FBXO30: variants seen among roughly 807,000 people sequenced by gnomAD.
FBXO30 encodes the protein F-box only protein 30.
In FBXO30, 21 loss-of-function variants were observed where a neutral mutation model predicts 58.1. The ratio of observed to expected loss-of-function variants is 0.36; its 90% CI spans 0.26 to 0.52. The LOEUF (loss-of-function observed/expected upper bound fraction) is 0.52. Among genes scored for constraint, FBXO30 ranks in the 20% least tolerant of loss-of-function variants. The pLI is 0.93. For synonymous variants in FBXO30, 309 were observed against 312.4 expected, an observed-to-expected ratio of 0.99 and a Z score of 0.11; for missense variants, 744 against 897.3, an observed-to-expected ratio of 0.83 and a Z score of 2.18.
rs1005757793 is a variant in FBXO30 at position 145,797,449 on chromosome 6, C to T, written c.*2657G>A. 2.6e-5 allele frequency: 4 copies of T among 152,056 alleles called. No individual in the cohort carries two copies. Among genetic ancestry groups the T allele is most frequent in the Admixed American group, 6.6e-5 (1 of 15,242 alleles). The allele number at this position is 152,056 out of a possible 1,614,324, so 9.4% of individuals were successfully genotyped here. A position where few individuals can be genotyped will look rare whatever the true frequency, so the allele number is the denominator to read the frequency against. On this transcript the variant is annotated 3_prime_UTR_variant, in exon 3 of 3. Coordinates refer to ENST00000237281, the MANE Select transcript of FBXO30 (RefSeq NM_032145.5). ...GGTAGCTGGCATGACCCAGTCTTCC[C>T]TCTAAGTTCTAATACTTTACTGTGC...
rs1050667608 is a variant in FBXO30 at position 145,794,623 on chromosome 6, T to G, written c.*5483A>C. ...AAGTCATCAATTGATATAAAAGACATCCAGTTGACATAATCATTCATTGGG... is the reference window on the plus strand; with the variant it reads ...AAGTCATCAATTGATATAAAAGACAGCCAGTTGACATAATCATTCATTGGG... On this transcript the variant is annotated 3_prime_UTR_variant, in exon 3 of 3. Coordinates refer to ENST00000237281, the MANE Select transcript of FBXO30 (RefSeq NM_032145.5). 6.6e-6 allele frequency: 1 copy of G among 151,806 alleles called. No individual in the cohort carries two copies. The highest frequency in any genetic ancestry group is 1.5e-5 in the Non-Finnish European group (1 of 67,798). 9.4% of individuals were successfully genotyped at this position (151,806 alleles called of 1,614,324 possible).
chr6:145,806,583 A>G lies in FBXO30; in HGVS notation c.-16-162T>C, dbSNP rs9497414. Among the ~76,000 whole-genome samples the G allele has an allele frequency of 5.3e-3, 802 of 152,372 alleles. 4 individuals carry two copies. The highest frequency in any genetic ancestry group is 0.018 in the African/African-American group (766 of 41,600). ...AACCAGTTAATTTTACATATAATCAATGTCTTGAAAGGATGTAAGCACTTA... is the reference window on the plus strand; with the variant it reads ...AACCAGTTAATTTTACATATAATCAGTGTCTTGAAAGGATGTAAGCACTTA... On this transcript the variant is annotated intron_variant, in intron 1 of 2. Coordinates refer to ENST00000237281, the MANE Select transcript of FBXO30 (RefSeq NM_032145.5).
chr6:145,809,308 T>C lies in FBXO30; in HGVS notation c.-16-2887A>G, dbSNP rs561859740. 9.5e-4 allele frequency among the ~76,000 whole-genome samples: 145 copies of C among 152,304 alleles called. 2 individuals are homozygous for C. Among genetic ancestry groups the C allele is most frequent in the South Asian group, 2.5e-3 (12 of 4,828 alleles). ...TGAAAACAGCTGTAGCTTTCTTATT[T>C]TGCAGGAACTAGACTGAGTTGATCT... On this transcript the variant is annotated intron_variant, in intron 1 of 2. Transcript: ENST00000237281.
chr6:145,802,872 T>C (rs1778046617), intron 2 of FBXO30, among the ~76,000 whole-genome samples: 2 of 151,696 alleles, frequency 1.3e-5, no homozygotes, highest in Non-Finnish European at 2.9e-5. Flanking sequence ...TGAATAAAAA[T>C]AAAGGGGGGA....
In FBXO30 at chr6:145,798,767, C is replaced by T. The variant is rs532317892; in HGVS notation, c.*1339G>A. 3 of 152,118 alleles carry T rather than the reference C, an allele frequency of 2.0e-5. No individual in the cohort carries two copies. Among genetic ancestry groups the T allele is most frequent in the South Asian group, 2.1e-4 (1 of 4,822 alleles). 9.4% of individuals were successfully genotyped at this position (152,118 alleles called of 1,614,324 possible). ...ATAAGGGAATCAAGAACCTAGTAAT[C>T]GTGGAGTACTCTCAGGGACAAATGT... On this transcript the variant is annotated 3_prime_UTR_variant, in exon 3 of 3. Coordinates refer to ENST00000237281, the MANE Select transcript of FBXO30 (RefSeq NM_032145.5).
rs964307129 is a variant in FBXO30, at chr6:145,805,033, G to A, written c.1373C>T (p.Thr458Ile). ...MADIYHIDVG[T>I]QTFSLPSAIL... Reference sequence around the variant, plus strand: ...TGCAGATGGAAGTGAAAAAGTCTGAGTCCCAACGTCAATGTGATAAATATC... The same window carrying A: ...TGCAGATGGAAGTGAAAAAGTCTGAATCCCAACGTCAATGTGATAAATATC... The change falls in exon 2 of 3, where the codon ACT (threonine) becomes ATT (isoleucine). Residue 458 changes from threonine (T) to isoleucine (I), a missense_variant. Thr to Ile is a moderately conservative substitution (Grantham distance 89, BLOSUM62 -1). Around this residue, in one of 3 missense-constraint regions of FBXO30, gnomAD observed 334 missense variants for 433.7 expected, o/e 0.77. Coordinates refer to ENST00000237281, the MANE Select transcript of FBXO30 (RefSeq NM_032145.5). 7 of 1,613,838 alleles carry A rather than the reference G, an allele frequency of 4.3e-6. No homozygotes were observed. Among genetic ancestry groups the A allele is most frequent in the Non-Finnish European group, 5.9e-6 (7 of 1,179,954 alleles).
chr6:145,807,345 T>G (rs141459943), intron 1 of FBXO30, among the ~76,000 whole-genome samples: 1,666 of 152,230 alleles, frequency 0.011, 13 homozygotes, highest in Admixed American at 0.017. Flanking sequence ...GAAAGAGAAG[T>G]CTTAAGTATG....
chr6:145,799,208 T>C lies in FBXO30; in HGVS notation c.*898A>G, dbSNP rs188192477. 26 of 152,558 alleles carry C rather than the reference T, an allele frequency of 1.7e-4. No individual in the cohort carries two copies. Among genetic ancestry groups the C allele is most frequent in the African/African-American group, 2.4e-4 (10 of 41,560 alleles). 9.5% of individuals were successfully genotyped at this position (152,558 alleles called of 1,614,324 possible). Reference sequence around the variant, plus strand: ...ATGTCTTAAAACAACATAGTTGTAATGTTTATAAACATCAAAGGCAAACAT... The same window carrying C: ...ATGTCTTAAAACAACATAGTTGTAACGTTTATAAACATCAAAGGCAAACAT... On this transcript the variant is annotated 3_prime_UTR_variant, in exon 3 of 3. Transcript: ENST00000237281.
chr6:145,795,569 T>TA lies in FBXO30; in HGVS notation c.*4536dup, dbSNP rs1370514639. 1 of 151,924 alleles carries TA rather than the reference T, an allele frequency of 6.6e-6. No individual in the cohort carries two copies. Among genetic ancestry groups the TA allele is most frequent in the Non-Finnish European group, 1.5e-5 (1 of 67,854 alleles). 9.4% of individuals were successfully genotyped at this position (151,924 alleles called of 1,614,324 possible). A position where few individuals can be genotyped will look rare whatever the true frequency, so the allele number is the denominator to read the frequency against. On this transcript the variant is annotated 3_prime_UTR_variant, in exon 3 of 3. Coordinates refer to ENST00000237281, the MANE Select transcript of FBXO30 (RefSeq NM_032145.5). ...TATCAAAAAGATTGAAAATTATTTT[T>TA]AAAAAAGGACTTTGCATCAATGAAT...
intron 1 of FBXO30, among the ~76,000 whole-genome samples, chr6:145,807,206 C>T (rs1778199206): frequency 6.6e-6 from 1 of 152,096 alleles, no homozygotes; most frequent in South Asian, 2.1e-4. Context: ...AAAGCTACAG[C>T]AGGATGTCAA....
Position 145,800,683 on chromosome 6 carries a change from T to C in FBXO30, c.2035-374A>G, listed in dbSNP as rs1015159636. Among the ~76,000 whole-genome samples, 8 of 152,122 alleles carry C rather than the reference T, an allele frequency of 5.3e-5. No individual in the cohort carries two copies. In the East Asian group the frequency reaches 1.5e-3, roughly 29 times the overall value. On this transcript the variant is annotated intron_variant, in intron 2 of 2. Transcript: ENST00000237281. ...CTTTCATACTCTCCAATTGGCTATC[T>C]AGAACTAATTACACTCTGGAGATAC...
intron 1 of FBXO30, among the ~76,000 whole-genome samples, chr6:145,814,225 A>C (rs1343535906): frequency 2.0e-5 from 3 of 152,174 alleles, no homozygotes; most frequent in Non-Finnish European, 4.4e-5. Flanking sequence ...ACGGAACGAG[A>C]AGCTTAGGGT....
rs1777884978 is a variant in FBXO30 at position 145,797,354 on chromosome 6, T to C, written c.*2752A>G. On this transcript the variant is annotated 3_prime_UTR_variant, in exon 3 of 3. Coordinates refer to ENST00000237281, the MANE Select transcript of FBXO30 (RefSeq NM_032145.5). Reference sequence around the variant, plus strand: ...TTAATAAATTACCATTACTGACTTTTGGATTACACATATATTTATACAAAC... The same window carrying C: ...TTAATAAATTACCATTACTGACTTTCGGATTACACATATATTTATACAAAC... 6.6e-6 allele frequency: 1 copy of C among 152,040 alleles called. No homozygotes were observed. The highest frequency in any genetic ancestry group is 1.5e-5 in the Non-Finnish European group (1 of 67,942). 9.4% of individuals were successfully genotyped at this position (152,040 alleles called of 1,614,324 possible). A position where few individuals can be genotyped will look rare whatever the true frequency, so the allele number is the denominator to read the frequency against.
In FBXO30 at chr6:145,795,428, G is replaced by A. The variant is rs1777851335; in HGVS notation, c.*4678C>T. Reference sequence around the variant, plus strand: ...CATTCCCTAGTATTTGCATGCAAATGGGTTAATAAAATGATTTTGGAGATG... The same window carrying A: ...CATTCCCTAGTATTTGCATGCAAATAGGTTAATAAAATGATTTTGGAGATG... On this transcript the variant is annotated 3_prime_UTR_variant, in exon 3 of 3. Transcript: ENST00000237281. 1 of 151,758 alleles carries A rather than the reference G, an allele frequency of 6.6e-6. No individual in the cohort carries two copies. Among genetic ancestry groups the A allele is most frequent in the Non-Finnish European group, 1.5e-5 (1 of 67,768 alleles). 9.4% of individuals were successfully genotyped at this position (151,758 alleles called of 1,614,324 possible).
At chr6:145,813,556 G>A (rs977874467) in intron 1 of FBXO30, among the ~76,000 whole-genome samples, 1 of 152,156 alleles carries the variant, frequency 6.6e-6, no homozygotes, top group Non-Finnish European at 1.5e-5. Flanking sequence ...TCAACAATTG[G>A]ACTGCTTTGG....
At position 145,799,747 on chromosome 6, in the gene FBXO30, C is replaced by A; in HGVS notation, c.*359G>T. 6.4e-6 allele frequency: 1 copy of A among 156,492 alleles called. No individual in the cohort carries two copies. The highest frequency in any genetic ancestry group is 1.4e-5 in the Non-Finnish European group (1 of 70,652). The allele number at this position is 156,492 out of a possible 1,614,324, so 9.7% of individuals were successfully genotyped here. A position where few individuals can be genotyped will look rare whatever the true frequency, so the allele number is the denominator to read the frequency against. ...CAATCAAAATTTTGCTTTTTGATTG[C>A]ATGGGTCGCAACCCACAGAAAACAA... On this transcript the variant is annotated 3_prime_UTR_variant, in exon 3 of 3. Coordinates refer to ENST00000237281, the MANE Select transcript of FBXO30 (RefSeq NM_032145.5).
rs991414032 is a variant in FBXO30, at chr6:145,793,627, G to A, written c.*6479C>T. 2.6e-5 allele frequency: 4 copies of A among 151,590 alleles called. No homozygotes were observed. Among genetic ancestry groups the A allele is most frequent in the Admixed American group, 6.6e-5 (1 of 15,212 alleles). The allele number at this position is 151,590 out of a possible 1,614,324, so 9.4% of individuals were successfully genotyped here. A position where few individuals can be genotyped will look rare whatever the true frequency, so the allele number is the denominator to read the frequency against. On this transcript the variant is annotated 3_prime_UTR_variant, in exon 3 of 3. Coordinates refer to ENST00000237281, the MANE Select transcript of FBXO30 (RefSeq NM_032145.5). ...ATTATACAAATTTTTTTCAAAGCAT[G>A]GTTTTAAAAACACATCTTTAAAAAG...
rs1777868251 is a variant in FBXO30, at chr6:145,796,455, A to C, written c.*3651T>G. The C allele has an allele frequency of 6.6e-6, 1 of 151,956 alleles. No individual in the cohort carries two copies. Among genetic ancestry groups the C allele is most frequent in the Admixed American group, 6.6e-5 (1 of 15,244 alleles). The allele number at this position is 151,956 out of a possible 1,614,324, so 9.4% of individuals were successfully genotyped here. ...CCTAGACCTTATGAGCATCTTAAGT[A>C]AGACTACTTAACAGCAACGTTTAGA... On this transcript the variant is annotated 3_prime_UTR_variant, in exon 3 of 3. Coordinates refer to ENST00000237281, the MANE Select transcript of FBXO30 (RefSeq NM_032145.5).
In FBXO30 at chr6:145,795,197, A is replaced by G. The variant is rs1240120326; in HGVS notation, c.*4909T>C. 6.6e-6 allele frequency: 1 copy of G among 151,840 alleles called. No homozygotes were observed. Among genetic ancestry groups the G allele is most frequent in the Non-Finnish European group, 1.5e-5 (1 of 67,780 alleles). 9.4% of individuals were successfully genotyped at this position (151,840 alleles called of 1,614,324 possible). A position where few individuals can be genotyped will look rare whatever the true frequency, so the allele number is the denominator to read the frequency against. On this transcript the variant is annotated 3_prime_UTR_variant, in exon 3 of 3. Transcript: ENST00000237281. The stretch of plus-strand genomic sequence containing the variant: ...ATTTGCCTCACATCTGAGAAACAAA[A>G]TTTCTAAAAATTTATATTAGAAAAG...
Sources: gnomAD v4.1 joint callset for allele counts (sites outside exome capture counted in the v4.1 genomes callset) on GRCh38, gnomAD v4.1.1 for gene constraint, gnomAD v4.1.1 regional missense constraint, MANE v1.5 for transcripts, NCBI Gene and HGNC (gene_info 2026-07-23, HGNC 2026-07-21) for gene names.